Variants in FBXL22 observed in about 807,000 individuals in gnomAD.
The protein encoded by FBXL22 is F-box and leucine rich repeat protein 22.
Under a neutral mutation model 11.7 loss-of-function variants are expected in FBXL22, and 13 were observed. The observed-to-expected ratio is 1.11, with a 90% confidence interval of 0.73 to 1.77. The LOEUF (loss-of-function observed/expected upper bound fraction) is 1.77. Among genes scored for constraint, FBXL22 ranks in the 40% most tolerant of loss-of-function variants. FBXL22 has a pLI of 0.00. For synonymous variants in FBXL22, 160 were observed against 144.1 expected (o/e 1.11, Z -0.79); for missense variants, 406 against 320.4 (o/e 1.27, Z -2.04).
downstream of FBXL22, among the ~76,000 whole-genome samples, chr15:63,603,873 T>A (rs568843166): frequency 3.3e-5 from 5 of 152,370 alleles, no homozygotes; most frequent in East Asian, 9.6e-4. Context: ...TTTCTCAGTT[T>A]GCCCACCATT....
In FBXL22 at chr15:63,600,964, C is replaced by G; in HGVS notation, c.621C>G (p.Ser207Arg). The change falls in exon 2 of 2, where the codon AGC becomes AGG. Residue 207 changes from serine to arginine, a missense_variant. By Grantham distance (110) the Ser-to-Arg change is moderately radical. Coordinates refer to ENST00000638704, the MANE Select transcript of FBXL22 (RefSeq NM_001367807.1). ...GCCTGGCCCTGCGGGCAGAGCACAG[C>G]GCCGCCATGCTGCCCGACCAGCCCC... ...CPRLALRAEH[S>R]AAMLPDQPPR... 1 of 1,193,562 alleles carries G rather than the reference C, an allele frequency of 8.4e-7. No individual in the cohort carries two copies. The highest frequency in any genetic ancestry group is 3.5e-5 in the East Asian group (1 of 28,474). 73.9% of individuals were successfully genotyped at this position (1,193,562 alleles called of 1,614,324 possible). A position where few individuals can be genotyped will look rare whatever the true frequency, so the allele number is the denominator to read the frequency against.
At chr15:63,599,519 T>A in intron 1 of FBXL22, 1 of 1,128,852 alleles carries the variant, frequency 8.9e-7, no homozygotes, top group South Asian at 3.1e-5. Context: ...AGTTTCTTCA[T>A]GTACAAAACT....
chr15:63,599,612 CCCAACATATTTAAGTTCCTTA>C, intron 1 of FBXL22: 1 of 1,000,814 alleles, frequency 1.0e-6, no homozygotes, highest in Non-Finnish European at 1.2e-6. Context: ...CCTGGCTGCA[CCCAACATATTTAAGTTCCTTA>C]CTTCCCTCCC....
At chr15:63,598,066 T>C (rs887195018) in intron 1 of FBXL22, among the ~76,000 whole-genome samples, 7 of 152,158 alleles carry the variant, frequency 4.6e-5, no homozygotes, top group African/African-American at 1.7e-4. Context: ...GGTCAGGCTC[T>C]GGGAAAAGGC....
rs2067289028 is a variant in FBXL22 at position 63,597,423 on chromosome 15, C to T, written c.31C>T (p.Gln11Ter). Residue 11 changes from glutamine (Q) to a stop codon, truncating the protein, a stop_gained, in exon 1 of 2, where the codon CAG (glutamine) becomes TAG (stop). Coordinates refer to ENST00000638704, the MANE Select transcript of FBXL22 (RefSeq NM_001367807.1). LOFTEE classifies it high-confidence loss of function. This position sits in a 1 kb window ranked among gnomAD's most constrained non-coding sequence, Gnocchi z 4.3. MWPLLTMHIT[Q>*]LNRECLLHLF... Reference sequence around the variant, plus strand: ...GCCACTGCTCACCATGCACATAACCCAGCTCAACCGGGAGTGCCTGCTGCA... The same window carrying T: ...GCCACTGCTCACCATGCACATAACCTAGCTCAACCGGGAGTGCCTGCTGCA... 6.2e-7 allele frequency: 1 copy of T among 1,613,178 alleles called. No individual in the cohort carries two copies. Among genetic ancestry groups the T allele is most frequent in the Non-Finnish European group, 8.5e-7 (1 of 1,179,676 alleles).
At position 63,598,985 on chromosome 15, in the gene FBXL22, T is replaced by C. The variant is rs140719342; in HGVS notation, c.353+1240T>C. On this transcript the variant is annotated intron_variant, in intron 1 of 1. Transcript: ENST00000638704. ...AAGTGGACCTCCCAGGCCACTGTACTGATCAAGCAAGGGGCCCTGCTGTCA... is the reference window on the plus strand; with the variant it reads ...AAGTGGACCTCCCAGGCCACTGTACCGATCAAGCAAGGGGCCCTGCTGTCA... Among the ~76,000 whole-genome samples, 392 of 152,326 alleles carry C rather than the reference T, an allele frequency of 2.6e-3. 1 individual carries two copies. Among genetic ancestry groups the C allele is most frequent in the Admixed American group, 4.0e-3 (62 of 15,310 alleles).
downstream of FBXL22, chr15:63,601,282 T>C: frequency 1.9e-6 from 3 of 1,562,354 alleles, no homozygotes; most frequent in Non-Finnish European, 2.6e-6. Flanking sequence ...TTTCCCCTCT[T>C]GCTTCCGCCC....
At chr15:63,605,137 T>C (rs989514667), downstream of FBXL22, among the ~76,000 whole-genome samples, 3 of 152,220 alleles carry the variant, frequency 2.0e-5, no homozygotes, top group Non-Finnish European at 2.9e-5. Context: ...CCCTGCAGAC[T>C]TAATTAATCC....
At chr15:63,600,675 G>A in intron 1 of FBXL22, 22 bp from the exon 2 acceptor site, 1 of 1,231,362 alleles carries the variant, frequency 8.1e-7, no homozygotes, top group Non-Finnish European at 1.0e-6. Context: ...GTGAGCCCCG[G>A]GTCACCGCAC....
rs753506154 is a variant in FBXL22 at position 63,597,896 on chromosome 15, C to G, written c.353+151C>G. ...AGGCAGACATCCAGACCGCCCAAAG[C>G]AGGGTCCCCAGGAGACAATAAAATC... On this transcript the variant is annotated intron_variant, in intron 1 of 1. Coordinates refer to ENST00000638704, the MANE Select transcript of FBXL22 (RefSeq NM_001367807.1). The surrounding 1 kb of genome is among the most constrained non-coding windows in gnomAD (Gnocchi z 4.3). 1.1e-5 allele frequency: 7 copies of G among 666,112 alleles called. No homozygotes were observed. Among genetic ancestry groups the G allele is most frequent in the Non-Finnish European group, 1.8e-5 (7 of 399,232 alleles). 41.3% of individuals were successfully genotyped at this position (666,112 alleles called of 1,614,324 possible). A position where few individuals can be genotyped will look rare whatever the true frequency, so the allele number is the denominator to read the frequency against.
At chr15:63,606,659 G>A (rs1427910514), downstream of FBXL22, among the ~76,000 whole-genome samples, 1 of 152,176 alleles carries the variant, frequency 6.6e-6, no homozygotes, top group Non-Finnish European at 1.5e-5. Flanking sequence ...TTCCAGACTA[G>A]CCTGGGCAAC....
chr15:63,601,818 A>G (rs1352614914), downstream of FBXL22: 2 of 1,269,518 alleles, frequency 1.6e-6, no homozygotes, highest in East Asian at 5.7e-5. Context: ...GCCTCAAACT[A>G]AACAAAAACA....
chr15:63,598,218 T>C (rs1243559897), intron 1 of FBXL22, among the ~76,000 whole-genome samples: 1 of 152,092 alleles, frequency 6.6e-6, no homozygotes, highest in Non-Finnish European at 1.5e-5. Flanking sequence ...CAAACCAGAC[T>C]CCAGGAGTAG....
At chr15:63,598,508 C>A (rs1202765395) in intron 1 of FBXL22, among the ~76,000 whole-genome samples, 1 of 152,182 alleles carries the variant, frequency 6.6e-6, no homozygotes, top group Non-Finnish European at 1.5e-5. Context: ...CTCCATGGTC[C>A]CAGCCTCATG....
In FBXL22 at chr15:63,597,494, G is replaced by C; in HGVS notation, c.102G>C (p.Arg34Ser). Residue 34 changes from arginine to serine, a missense_variant, in exon 1 of 2, where the codon AGG (arginine) becomes AGC (serine). Arg to Ser is a moderately radical substitution (Grantham distance 110). Coordinates refer to ENST00000638704, the MANE Select transcript of FBXL22 (RefSeq NM_001367807.1). The surrounding 1 kb of genome is among the most constrained non-coding windows in gnomAD (Gnocchi z 4.3). ...AGGACAGCAGGAAGAGCCTTGCCAG[G>C]ACCTGCTCCCAGCTCCACGACGTGT... Reference protein sequence around the residue: ...LDKDSRKSLARTCSQLHDVFE... With the variant: ...LDKDSRKSLASTCSQLHDVFE... 4.3e-6 allele frequency: 7 copies of C among 1,614,120 alleles called. No homozygotes were observed. Among genetic ancestry groups the C allele is most frequent in the Non-Finnish European group, 5.9e-6 (7 of 1,180,034 alleles).
Position 63,597,579 on chromosome 15 carries a change from G to C in FBXL22, c.187G>C (p.Asp63His), listed in dbSNP as rs867414738. The C allele has an allele frequency of 1.2e-6, 2 of 1,614,112 alleles. No individual in the cohort carries two copies. The highest frequency in any genetic ancestry group is 2.2e-5 in the East Asian group (1 of 44,892). Residue 63 changes from aspartate to histidine, a missense_variant, in exon 1 of 2, where the codon GAC becomes CAC. By Grantham distance (81) the Asp-to-His change is moderately conservative (BLOSUM62 -1). Transcript: ENST00000638704. This position sits in a 1 kb window ranked among gnomAD's most constrained non-coding sequence, Gnocchi z 4.3. The stretch of plus-strand genomic sequence containing the variant: ...CCGTTCCCTCACTGAACTCCAGAAG[G>C]ACAACTTCCTCCTGGGCCCGGCACT... ...HFRSLTELQKDNFLLGPALRS... is the reference protein window; with the variant it reads ...HFRSLTELQKHNFLLGPALRS...
In FBXL22 at chr15:63,600,740, G is replaced by A; in HGVS notation, c.397G>A (p.Val133Ile). 2 of 1,231,482 alleles carry A rather than the reference G, an allele frequency of 1.6e-6. No individual in the cohort carries two copies. The highest frequency in any genetic ancestry group is 1.0e-6 in the Non-Finnish European group (1 of 987,780). The allele number at this position is 1,231,482 out of a possible 1,614,324, so 76.3% of individuals were successfully genotyped here. A position where few individuals can be genotyped will look rare whatever the true frequency, so the allele number is the denominator to read the frequency against. The part of the protein sequence containing the change: ...ASVTLSGCGH[V>I]TDDCLARLLR... The stretch of plus-strand genomic sequence containing the variant: ...CGTCACGCTCTCGGGCTGCGGCCAC[G>A]TTACCGACGACTGCCTGGCGCGCCT... Residue 133 changes from valine to isoleucine, a missense_variant, in exon 2 of 2, where the codon GTT becomes ATT. Physicochemically the swap from Val to Ile is conservative, Grantham distance 29. Transcript: ENST00000638704.
chr15:63,599,663 C>T, intron 1 of FBXL22: 2 of 988,186 alleles, frequency 2.0e-6, no homozygotes, highest in Non-Finnish European at 2.4e-6. Context: ...AGGAGCCGAG[C>T]TGGCACAGCC....
At chr15:63,599,404 C>T (rs1286543356) in intron 1 of FBXL22, 1 of 1,371,458 alleles carries the variant, frequency 7.3e-7, no homozygotes, top group East Asian at 2.7e-5. Context: ...GGTAACAATT[C>T]CTCCCACTTG....
Sources: gnomAD v4.1 joint callset for allele counts (sites outside exome capture counted in the v4.1 genomes callset) on GRCh38, gnomAD v4.1.1 for gene constraint, Gnocchi (gnomAD v3.1) non-coding constraint, MANE v1.5 for transcripts, NCBI Gene and HGNC (gene_info 2026-07-23, HGNC 2026-07-21) for gene names.